The following MAPT variants were observed in gnomAD, a reference collection of about 807,000 sequenced individuals.
MAPT encodes the protein microtubule-associated protein tau.
In MAPT, 34 loss-of-function variants were observed where a neutral mutation model predicts 67.9. That is an observed-to-expected ratio of 0.50 (90% CI 0.38 to 0.67). The LOEUF is 0.67. Among genes scored for constraint, MAPT ranks in the 30% least tolerant of loss-of-function variants. MAPT has a pLI of 0.00. For missense variants in MAPT, 881 were observed against 1,115.2 expected, an observed-to-expected ratio of 0.79 and a Z score of 2.99; for synonymous variants, 456 against 464.5, an observed-to-expected ratio of 0.98 and a Z score of 0.23.
intron 1 of MAPT, among the ~76,000 whole-genome samples, chr17:45,946,081 TAA>T (rs1441001569): frequency 6.6e-6 from 1 of 151,942 alleles, no homozygotes; most frequent in African/African-American, 2.4e-5. Context: ...CTTTAAAGAA[TAA>T]GAGTGGTTTG....
At chr17:45,922,355 T>C (rs1370891154) in intron 1 of MAPT, among the ~76,000 whole-genome samples, 2 of 152,162 alleles carry the variant, frequency 1.3e-5, no homozygotes, top group Non-Finnish European at 2.9e-5. Flanking sequence ...TTTATCAAAA[T>C]GCCCAGCCAA....
At chr17:45,940,259 C>T (rs554610731) in intron 1 of MAPT, among the ~76,000 whole-genome samples, 39 of 152,314 alleles carry the variant, frequency 2.6e-4, no homozygotes, top group African/African-American at 9.4e-4. Flanking sequence ...TGTCCTCCTG[C>T]CTTTGGCTTA....
At chr17:45,965,561 G>A (rs563715470) in intron 2 of MAPT, among the ~76,000 whole-genome samples, 9 of 151,172 alleles carry the variant, frequency 6.0e-5, no homozygotes, top group African/African-American at 1.7e-4. Flanking sequence ...GATTACAGGC[G>A]CCTACCACCA....
intron 8 of MAPT, among the ~76,000 whole-genome samples, chr17:45,993,628 A>T (rs1313990946): frequency 6.6e-6 from 1 of 152,166 alleles, no homozygotes; most frequent in Non-Finnish European, 1.5e-5. Context: ...TGGCCAGCCT[A>T]GTCTCGAACT....
At chr17:45,966,076 C>T (rs1299929266) in intron 2 of MAPT, among the ~76,000 whole-genome samples, 3 of 152,192 alleles carry the variant, frequency 2.0e-5, no homozygotes, top group African/African-American at 4.8e-5. Flanking sequence ...CAACATGTGC[C>T]TCATATGGAT....
chr17:45,966,479 C>G (rs910916952), intron 2 of MAPT, among the ~76,000 whole-genome samples: 1 of 152,036 alleles, frequency 6.6e-6, no homozygotes, highest in African/African-American at 2.4e-5. Context: ...GTCCCAGCTA[C>G]TTGCGGGGCT....
At chr17:45,919,258 C>G (rs918270120) in intron 1 of MAPT, among the ~76,000 whole-genome samples, 1 of 152,140 alleles carries the variant, frequency 6.6e-6, no homozygotes, top group African/African-American at 2.4e-5. Flanking sequence ...CACCGGGCCC[C>G]TGGTGCCTCC....
rs1476867662 is a variant in MAPT, at chr17:45,968,184, AAAAAC to A, written c.134-3660_134-3656del. ...GACAATGATCTTTTCATACAGCCAG[AAAAAC>A]AAAACAAAACAAAAAACAACAAAAA... On this transcript the variant is annotated intron_variant, in intron 2 of 12. Coordinates refer to ENST00000262410, the MANE Select transcript of MAPT (RefSeq NM_001377265.1). 2.0e-4 allele frequency among the ~76,000 whole-genome samples: 30 copies of A among 151,122 alleles called. No individual in the cohort carries two copies. In the East Asian group the frequency reaches 2.9e-3, roughly 15 times the overall value.
At chr17:45,938,171 G>C (rs1176571577) in intron 1 of MAPT, among the ~76,000 whole-genome samples, 4 of 152,210 alleles carry the variant, frequency 2.6e-5, no homozygotes, top group African/African-American at 9.6e-5. Flanking sequence ...TTACCTTACA[G>C]TTCTGGAGGC....
chr17:45,996,501 C>T lies in MAPT; in HGVS notation c.1835C>T (p.Thr612Ile), dbSNP rs1411563567. ...SRTPSLPTPPTREPKKVAVVR... is the reference protein window; with the variant it reads ...SRTPSLPTPPIREPKKVAVVR... ...ACCCCGTCCCTTCCAACCCCACCCA[C>T]CCGGGAGCCCAAGAAGGTGGCAGTG... Residue 612 changes from threonine (T) to isoleucine (I), a missense_variant, in exon 9 of 13, where the codon ACC becomes ATC. Transcript: ENST00000262410. The surrounding 1 kb of genome is among the most constrained non-coding windows in gnomAD (Gnocchi z 4.5). 3 of 1,613,414 alleles carry T rather than the reference C, an allele frequency of 1.9e-6. No homozygotes were observed. In the Admixed American group the frequency reaches 5.0e-5, roughly 27 times the overall value.
intron 1 of MAPT, among the ~76,000 whole-genome samples, chr17:45,946,394 G>A (rs932140286): frequency 5.9e-5 from 9 of 151,856 alleles, no homozygotes; most frequent in African/African-American, 2.2e-4. Flanking sequence ...TTGAGGTCAG[G>A]AGTTCGAGAT....
intron 9 of MAPT, among the ~76,000 whole-genome samples, chr17:45,998,801 C>T (rs955059685): frequency 2.6e-5 from 4 of 152,156 alleles, no homozygotes; most frequent in African/African-American, 4.8e-5. Flanking sequence ...ATTCGGTTCT[C>T]GAAAGTCGCC....
In MAPT at chr17:45,903,935, TTTA is replaced by T. The variant is rs1303191510; in HGVS notation, c.-18+9251_-18+9253del. On this transcript the variant is annotated intron_variant, in intron 1 of 12. Transcript: ENST00000262410. ...ATTATATATTTATATATATTATATA[TTTA>T]TATATAATATATATTATATATTATA... 2.0e-4 allele frequency among the ~76,000 whole-genome samples: 5 copies of T among 25,636 alleles called. No homozygotes were observed. The East Asian group carries it at 7.4e-3, about 38-fold the overall frequency. 16.8% of individuals were successfully genotyped at this position (25,636 alleles called of 152,430 possible).
intron 1 of MAPT, among the ~76,000 whole-genome samples, chr17:45,918,137 C>G (rs2065369442): frequency 6.6e-6 from 1 of 152,198 alleles, no homozygotes; most frequent in Admixed American, 6.5e-5. Flanking sequence ...TTTTCCATTT[C>G]CAAAGTCAGT....
rs1489447564 is a variant in MAPT at position 45,983,812 on chromosome 17, G to A, written c.1233G>A (p.Glu411=). The A allele has an allele frequency of 6.2e-6, 10 of 1,613,178 alleles. No homozygotes were observed. The highest frequency in any genetic ancestry group is 8.5e-6 in the Non-Finnish European group (10 of 1,179,896). The part of the protein sequence containing the change: ...AFPGAPGEGP[E]ARGPSLGEDT... ...CAGGGGCCCCTGGAGAGGGGCCAGA[G>A]GCCCGGGGCCCCTCTTTGGGAGAGG... Residue 411 remains glutamate (E), a synonymous_variant, in exon 5 of 13, where the codon GAG becomes GAA. Coordinates refer to ENST00000262410, the MANE Select transcript of MAPT (RefSeq NM_001377265.1).
At chr17:45,920,449 A>T (rs1044910024) in intron 1 of MAPT, among the ~76,000 whole-genome samples, 1 of 152,210 alleles carries the variant, frequency 6.6e-6, no homozygotes, top group African/African-American at 2.4e-5. Context: ...CCCTCAGCTC[A>T]TGAGGGCCAC....
At position 45,990,038 on chromosome 17, in the gene MAPT, G is replaced by A. The variant is rs201861969; in HGVS notation, c.1568G>A (p.Arg523Gln). Residue 523 changes from arginine to glutamine, a missense_variant, in exon 7 of 13, where the codon CGA (arginine) becomes CAA (glutamine). Physicochemically the swap from Arg to Gln is conservative, Grantham distance 43. Around this residue, in one of 6 missense-constraint regions of MAPT, gnomAD observed 687 missense variants for 766.1 expected, o/e 0.90. Transcript: ENST00000262410. ...AAATACGTCTCTTCTGTCACTTCCC[G>A]AACTGGCAGTTCTGGAGCAAAGGAG... The part of the protein sequence containing the change: ...SPKYVSSVTS[R>Q]TGSSGAKEMK... The A allele has an allele frequency of 4.0e-5, 65 of 1,614,100 alleles. No homozygotes were observed. Among genetic ancestry groups the A allele is most frequent in the Non-Finnish European group, 5.0e-5 (59 of 1,180,038 alleles).
At chr17:46,007,065 G>A (rs910910160) in intron 9 of MAPT, among the ~76,000 whole-genome samples, 5 of 151,718 alleles carry the variant, frequency 3.3e-5, no homozygotes, top group East Asian at 1.9e-4. Flanking sequence ...CCCATTCACC[G>A]TGATGTGATT....
At chr17:45,967,004 G>A (rs1186179234) in intron 2 of MAPT, among the ~76,000 whole-genome samples, 1 of 152,092 alleles carries the variant, frequency 6.6e-6, no homozygotes, top group Non-Finnish European at 1.5e-5. Flanking sequence ...TTTGATGTCG[G>A]GTGTGACAGG....
Sources: allele counts gnomAD v4.1 joint callset (sites outside exome capture counted in the v4.1 genomes callset), GRCh38; gene constraint gnomAD v4.1.1; regional missense constraint gnomAD v4.1.1; non-coding constraint Gnocchi (gnomAD v3.1); transcripts MANE v1.5; gene names NCBI Gene and HGNC (gene_info 2026-07-23, HGNC 2026-07-21).